Variants in POLK observed in about 807,000 individuals in gnomAD.
POLK encodes polymerase (DNA directed) kappa.
In POLK, 76 loss-of-function variants were observed where a neutral mutation model predicts 94.0. The observed-to-expected ratio is 0.81, with a 90% CI of 0.67 to 0.98. POLK has a LOEUF of 0.98. Among genes scored for constraint, POLK ranks in the 50% least tolerant of loss-of-function variants. The pLI is 0.00. For missense variants in POLK, 954 were observed against 1,010.1 expected, an observed-to-expected ratio of 0.94 and a Z score of 0.75; for synonymous variants, 349 against 325.4, an observed-to-expected ratio of 1.07 and a Z score of -0.78.
At chr5:75,606,809 G>T in the POLK span, among the ~76,000 whole-genome samples, 1 of 152,138 alleles carries the variant, frequency 6.6e-6, no homozygotes, top group South Asian at 2.1e-4. Flanking sequence ...CAATTTGCAT[G>T]CTCAGCCTTG....
intron 4 of POLK, among the ~76,000 whole-genome samples, chr5:75,573,217 C>T (rs1407128266): frequency 6.6e-6 from 1 of 152,056 alleles, no homozygotes. Context: ...TTTTTAGGGA[C>T]ATGGATGAAG....
chr5:75,597,166 T>C, exon 13 of POLK: 1 of 1,549,250 alleles, frequency 6.5e-7, no homozygotes, highest in Non-Finnish European at 8.9e-7. Context: ...CAAAGAAAGC[T>C]CCAGAAGTAC....
intron 6 of POLK, among the ~76,000 whole-genome samples, chr5:75,580,385 A>C (rs1222050053): frequency 6.6e-6 from 1 of 152,120 alleles, no homozygotes; most frequent in Non-Finnish European, 1.5e-5. Context: ...TTGTTCATGG[A>C]GACATTTTTA....
chr5:75,531,464 G>A (rs1428564111), intron 1 of POLK, among the ~76,000 whole-genome samples: 1 of 151,950 alleles, frequency 6.6e-6, no homozygotes, highest in East Asian at 1.9e-4. Context: ...TACCCAAAAT[G>A]TGGGCTGTGG....
chr5:75,510,979 T>C, upstream of POLK: 4 of 1,244,666 alleles, frequency 3.2e-6, no homozygotes, highest in Non-Finnish European at 4.3e-6. Flanking sequence ...TCATCCCTAG[T>C]CGCTGCAGCA....
At chr5:75,591,302 A>G (rs1772769283) in intron 11 of POLK, among the ~76,000 whole-genome samples, 1 of 152,210 alleles carries the variant, frequency 6.6e-6, no homozygotes, top group Admixed American at 6.5e-5. Context: ...CAGTAAAACT[A>G]TTATGCTAAT....
At chr5:75,555,550 AT>A (rs544470684) in intron 3 of POLK, among the ~76,000 whole-genome samples, 136 of 144,134 alleles carry the variant, frequency 9.4e-4, no homozygotes, top group African/African-American at 9.6e-4. Context: ...ACCACAGACA[AT>A]TTTTTTTTTT....
At chr5:75,532,747 C>A (rs1435069247) in intron 1 of POLK, among the ~76,000 whole-genome samples, 3 of 152,122 alleles carry the variant, frequency 2.0e-5, no homozygotes, top group Non-Finnish European at 4.4e-5. Flanking sequence ...TTGCCAGCAT[C>A]TGTTATTTTT....
At chr5:75,521,386 T>C (rs1033903244) in intron 1 of POLK, among the ~76,000 whole-genome samples, 4 of 152,158 alleles carry the variant, frequency 2.6e-5, no homozygotes, top group Admixed American at 1.3e-4. Context: ...TGAGAGCCTC[T>C]AATGAATTTT....
At chr5:75,583,252 A>G in intron 7 of POLK, 41 bp from the exon 8 acceptor site, 1 of 1,478,026 alleles carries the variant, frequency 6.8e-7, no homozygotes, top group African/African-American at 1.4e-5. Context: ...AAAGTCATAC[A>G]TATCAACTTC....
At chr5:75,588,583 G>T (rs541798068) in intron 10 of POLK, among the ~76,000 whole-genome samples, 2 of 152,208 alleles carry the variant, frequency 1.3e-5, no homozygotes, top group South Asian at 4.1e-4. Flanking sequence ...AACTTTAGAG[G>T]GAGTACATTA....
At chr5:75,566,020 G>T (rs991787718) in intron 3 of POLK, among the ~76,000 whole-genome samples, 2 of 152,220 alleles carry the variant, frequency 1.3e-5, no homozygotes, top group African/African-American at 4.8e-5. Flanking sequence ...TTATCAATAA[G>T]CCCCTGACTG....
At chr5:75,552,032 G>T (rs5744603) in intron 2 of POLK, among the ~76,000 whole-genome samples, 3,589 of 152,216 alleles carry the variant, frequency 0.024, 139 homozygotes, top group African/African-American at 0.082. Flanking sequence ...GCAGTTTTTT[G>T]AATTATTTTC....
At chr5:75,525,545 G>A (rs1469265058) in intron 1 of POLK, among the ~76,000 whole-genome samples, 2 of 152,140 alleles carry the variant, frequency 1.3e-5, no homozygotes, top group Non-Finnish European at 2.9e-5. Flanking sequence ...TGGAACAACA[G>A]CAAAGGAGTA....
chr5:75,528,685 C>T (rs368903387), intron 1 of POLK, among the ~76,000 whole-genome samples: 7 of 152,080 alleles, frequency 4.6e-5, no homozygotes, highest in African/African-American at 1.4e-4. Flanking sequence ...GTGGCACATA[C>T]GTGTAGTCCT....
At chr5:75,587,553 G>A (rs1196152160) in intron 10 of POLK, among the ~76,000 whole-genome samples, 1 of 152,144 alleles carries the variant, frequency 6.6e-6, no homozygotes, top group Non-Finnish European at 1.5e-5. Context: ...ACCGTTTGGG[G>A]AAATAAGTCA....
At chr5:75,519,476 T>A (rs1434987664) in intron 1 of POLK, among the ~76,000 whole-genome samples, 1 of 152,170 alleles carries the variant, frequency 6.6e-6, no homozygotes, top group Non-Finnish European at 1.5e-5. Context: ...GAGAGTAGGG[T>A]GTTGAAGTCT....
chr5:75,597,688 A>G (rs955136715), intron 13 of POLK, 59 bp from the exon 14 acceptor site: 1 of 997,160 alleles, frequency 1.0e-6, no homozygotes, highest in South Asian at 1.9e-5. Flanking sequence ...TTTGTATACA[A>G]CTTTTTAATT....
intron 1 of POLK, among the ~76,000 whole-genome samples, chr5:75,514,484 A>G (rs1436829176): frequency 1.1e-4 from 17 of 152,230 alleles, no homozygotes. Context: ...ATCATTTGCC[A>G]AAGGCCTACA....
Sources: allele counts gnomAD v4.1 joint callset (sites outside exome capture counted in the v4.1 genomes callset), GRCh38; gene constraint gnomAD v4.1.1; transcripts MANE v1.5; gene names NCBI Gene and HGNC (gene_info 2026-07-23, HGNC 2026-07-21).